Variants in GRM5 observed in about 807,000 individuals in gnomAD.
GRM5 encodes metabotropic glutamate receptor 5.
Under a neutral mutation model 83.1 loss-of-function variants are expected in GRM5, and 19 were observed. The ratio of observed to expected loss-of-function variants is 0.23; its 90% CI spans 0.16 to 0.34. GRM5 has a LOEUF of 0.34. Ranked by LOEUF, GRM5 falls within the 10% of genes least tolerant of loss-of-function variation. The probability of loss-of-function intolerance (pLI) is 1.00; values close to 1 mark genes in which losing one functional copy is unlikely to be tolerated. For missense variants in GRM5, 1,160 were observed against 1,588.3 expected, an observed-to-expected ratio of 0.73 and a Z score of 4.58; for synonymous variants, 675 against 633.6, an observed-to-expected ratio of 1.07 and a Z score of -0.98.
chr11:88,622,431 A>T (rs946831286), intron 4 of GRM5, among the ~76,000 whole-genome samples: 3 of 152,234 alleles, frequency 2.0e-5, no homozygotes, highest in Admixed American at 6.5e-5. Context: ...AATTATTATC[A>T]TGTTTAGAAA....
At chr11:88,695,680 G>T (rs537275202) in intron 3 of GRM5, among the ~76,000 whole-genome samples, 4 of 152,150 alleles carry the variant, frequency 2.6e-5, no homozygotes, top group Non-Finnish European at 4.4e-5. Flanking sequence ...ATTTGTAATT[G>T]AGTTTTCAAG....
chr11:88,777,863 C>A (rs1274523008), intron 3 of GRM5, among the ~76,000 whole-genome samples: 1 of 152,156 alleles, frequency 6.6e-6, no homozygotes, highest in Non-Finnish European at 1.5e-5. Context: ...TATGAGGTAC[C>A]TGTCGGCCCC....
chr11:88,691,175 G>C (rs1591443077), intron 3 of GRM5, among the ~76,000 whole-genome samples: 1 of 152,122 alleles, frequency 6.6e-6, no homozygotes, highest in African/African-American at 2.4e-5. Flanking sequence ...GGAAAGGATA[G>C]TATATTTCTA....
intron 3 of GRM5, among the ~76,000 whole-genome samples, chr11:88,743,559 A>G (rs550791797): frequency 2.6e-5 from 4 of 152,250 alleles, no homozygotes; most frequent in African/African-American, 9.6e-5. Flanking sequence ...ACCTCCTCAT[A>G]GAAGGCATTG....
At chr11:88,664,648 T>C (rs1455085494) in intron 3 of GRM5, among the ~76,000 whole-genome samples, 1 of 152,046 alleles carries the variant, frequency 6.6e-6, no homozygotes, top group Non-Finnish European at 1.5e-5. Flanking sequence ...GGTTTCACCA[T>C]GTTGGCCAGG....
chr11:88,664,329 A>T (rs538103282), intron 3 of GRM5, among the ~76,000 whole-genome samples: 1,526 of 32,548 alleles, frequency 0.047, 17 homozygotes, highest in East Asian at 0.25. Flanking sequence ...ATTTAAAAAA[A>T]ACTGGAAAAA....
intron 3 of GRM5, among the ~76,000 whole-genome samples, chr11:88,774,963 A>G (rs1942817195): frequency 6.6e-6 from 1 of 152,206 alleles, no homozygotes; most frequent in African/African-American, 2.4e-5. Context: ...GCCTCATAAA[A>G]TGAGTTAGTT....
chr11:88,625,431 T>C (rs951447193), intron 4 of GRM5, among the ~76,000 whole-genome samples: 1 of 152,002 alleles, frequency 6.6e-6, no homozygotes, highest in Non-Finnish European at 1.5e-5. Flanking sequence ...ATACAAAGAG[T>C]AATTTTTTCT....
chr11:88,907,898 C>T (rs1320637185), intron 2 of GRM5, among the ~76,000 whole-genome samples: 1 of 152,062 alleles, frequency 6.6e-6, no homozygotes, highest in African/African-American at 2.4e-5. Context: ...TAAATGGTAG[C>T]TTTAAAAACA....
At chr11:88,764,936 C>G (rs952172282) in intron 3 of GRM5, among the ~76,000 whole-genome samples, 1 of 150,774 alleles carries the variant, frequency 6.6e-6, no homozygotes, top group Non-Finnish European at 1.5e-5. Flanking sequence ...TTCAAAAGAT[C>G]AACAAAATTG....
intron 3 of GRM5, among the ~76,000 whole-genome samples, chr11:88,668,238 AGAATAATTTTATATCTCTTAAATCAGTGG>A (rs1940098959): frequency 6.6e-6 from 1 of 150,428 alleles, no homozygotes; most frequent in Non-Finnish European, 1.5e-5. Flanking sequence ...ACACAAAGAC[AGAATAATTTTATATCTCTTAAATCAGTGG>A]AAGTTTATTT....
At chr11:89,051,878 T>C (rs1941768974) in intron 1 of GRM5, among the ~76,000 whole-genome samples, 1 of 152,188 alleles carries the variant, frequency 6.6e-6, no homozygotes, top group Non-Finnish European at 1.5e-5. Flanking sequence ...TAGCAAGAAA[T>C]GATGGTGACT....
chr11:88,760,741 A>C (rs1942494875), intron 3 of GRM5, among the ~76,000 whole-genome samples: 1 of 146,986 alleles, frequency 6.8e-6, no homozygotes, highest in Non-Finnish European at 1.5e-5. Context: ...AAAATCTCAC[A>C]GAGATACAAC....
intron 4 of GRM5, among the ~76,000 whole-genome samples, chr11:88,631,139 C>A (rs1245726985): frequency 6.6e-6 from 1 of 152,038 alleles, no homozygotes; most frequent in Non-Finnish European, 1.5e-5. Flanking sequence ...GTGATGTGGG[C>A]AAACTCATAT....
chr11:88,636,097 C>A (rs1939111513), intron 4 of GRM5, among the ~76,000 whole-genome samples: 1 of 152,180 alleles, frequency 6.6e-6, no homozygotes, highest in Admixed American at 6.6e-5. Context: ...TAGAGTTTTA[C>A]TCCATTCTTT....
intron 8 of GRM5, among the ~76,000 whole-genome samples, chr11:88,540,197 C>T (rs1472970643): frequency 6.6e-6 from 1 of 152,134 alleles, no homozygotes; most frequent in East Asian, 1.9e-4. Context: ...CGTTTGCCAC[C>T]CTCCTTTCTT....
At chr11:88,900,280 C>T (rs1353582348) in intron 2 of GRM5, among the ~76,000 whole-genome samples, 1 of 152,158 alleles carries the variant, frequency 6.6e-6, no homozygotes, top group Non-Finnish European at 1.5e-5. Context: ...TGCTTTCTAA[C>T]ATTAGTTGAT....
At chr11:88,599,757 T>C (rs1416558572) in intron 5 of GRM5, among the ~76,000 whole-genome samples, 2 of 152,180 alleles carry the variant, frequency 1.3e-5, no homozygotes, top group Non-Finnish European at 2.9e-5. Context: ...CTCACACCTG[T>C]AATCCCAGCA....
At chr11:88,996,582 G>C (rs544977689) in intron 2 of GRM5, among the ~76,000 whole-genome samples, 2 of 152,304 alleles carry the variant, frequency 1.3e-5, no homozygotes, top group South Asian at 4.1e-4. Context: ...TTTTAGTGGG[G>C]TACTTCCATG....
Sources: gnomAD v4.1 joint callset for allele counts (sites outside exome capture counted in the v4.1 genomes callset) on GRCh38, gnomAD v4.1.1 for gene constraint, MANE v1.5 for transcripts, NCBI Gene and HGNC (gene_info 2026-07-23, HGNC 2026-07-21) for gene names.